The following BATF variants were observed in gnomAD, a reference collection of about 807,000 sequenced individuals.
The protein encoded by BATF is basic leucine zipper ATF-like transcription factor.
Under a neutral mutation model 13.7 loss-of-function variants are expected in BATF, and 5 were observed. The observed-to-expected ratio is 0.36, with a 90% CI of 0.19 to 0.77. The LOEUF is 0.77. Among genes scored for constraint, BATF ranks in the 30% least tolerant of loss-of-function variants. The pLI is 0.51. For missense variants in BATF, 124 were observed against 163.0 expected, an observed-to-expected ratio of 0.76 and a Z score of 1.30; for synonymous variants, 72 against 67.5, an observed-to-expected ratio of 1.07 and a Z score of -0.33.
At chr14:75,543,291 G>A (rs930340164) in intron 2 of BATF, among the ~76,000 whole-genome samples, 3 of 152,334 alleles carry the variant, frequency 2.0e-5, no homozygotes, top group South Asian at 4.1e-4. Flanking sequence ...CCTCTGCCCC[G>A]TTTTAGAGGG....
intron 1 of BATF, 140 bp downstream of exon 1, chr14:75,522,885 T>C: frequency 1.0e-6 from 1 of 961,726 alleles, no homozygotes; most frequent in Non-Finnish European, 1.6e-6. Flanking sequence ...ACTTAGGACA[T>C]GGAATTTGCT....
rs576533598 is a variant in BATF at position 75,543,925 on chromosome 14, C to T, written c.169-2537C>T. ...CTGGGATTATAGGTGTGAGCCACTGCACCCAGCCTATTTAGGGCAAATTTT... is the reference window on the plus strand; with the variant it reads ...CTGGGATTATAGGTGTGAGCCACTGTACCCAGCCTATTTAGGGCAAATTTT... On this transcript the variant is annotated intron_variant, in intron 2 of 2. Coordinates refer to ENST00000286639, the MANE Select transcript of BATF (RefSeq NM_006399.5). Among the ~76,000 whole-genome samples, 129 of 152,194 alleles carry T rather than the reference C, an allele frequency of 8.5e-4. 1 individual carries two copies. Among genetic ancestry groups the T allele is most frequent in the African/African-American group, 2.8e-3 (117 of 41,536 alleles).
chr14:75,527,142 G>A (rs1369096152), intron 2 of BATF, among the ~76,000 whole-genome samples: 1 of 152,054 alleles, frequency 6.6e-6, no homozygotes, highest in African/African-American at 2.4e-5. Flanking sequence ...TATACAGATC[G>A]TACATTTAAA....
At chr14:75,543,595 G>A (rs1566769785) in intron 2 of BATF, among the ~76,000 whole-genome samples, 2 of 152,004 alleles carry the variant, frequency 1.3e-5, no homozygotes, top group East Asian at 3.9e-4. Context: ...TTTGAGAGAG[G>A]ACCTCACTCC....
intron 2 of BATF, among the ~76,000 whole-genome samples, chr14:75,541,997 C>T (rs2140042185): frequency 6.6e-6 from 1 of 152,168 alleles, no homozygotes; most frequent in South Asian, 2.1e-4. Flanking sequence ...CCTTTGCCCA[C>T]TCAAGTCTCC....
intron 2 of BATF, among the ~76,000 whole-genome samples, chr14:75,534,179 CATCA>C (rs1341101076): frequency 6.6e-6 from 1 of 152,106 alleles, no homozygotes; most frequent in Non-Finnish European, 1.5e-5. Flanking sequence ...AAAATATTTG[CATCA>C]AATTAAAGAA....
At position 75,522,598 on chromosome 14, in the gene BATF, G is replaced by A. The variant is rs1456915442; in HGVS notation, c.-85G>A. ...AGGGGGTGGTGGGCTGGTGGCCCAG[G>A]AGAAGTCAGGAAGGGAGCCCAGCTG... is the stretch of plus-strand genomic sequence containing the variant. On this transcript the variant is annotated 5_prime_UTR_variant, in exon 1 of 3. Transcript: ENST00000286639. The A allele has an allele frequency of 7.9e-6, 12 of 1,528,390 alleles. No individual in the cohort carries two copies. The East Asian group carries it at 1.8e-4, about 23-fold the overall frequency. The allele number at this position is 1,528,390 out of a possible 1,614,324, so 94.7% of individuals were successfully genotyped here. A position where few individuals can be genotyped will look rare whatever the true frequency, so the allele number is the denominator to read the frequency against.
chr14:75,534,620 C>T (rs1017930496), intron 2 of BATF, among the ~76,000 whole-genome samples: 3 of 152,182 alleles, frequency 2.0e-5, no homozygotes, highest in Non-Finnish European at 4.4e-5. Flanking sequence ...CTCCTTAATA[C>T]TTGACAACCT....
rs533417451 is a variant in BATF at position 75,525,385 on chromosome 14, G to T, written c.168+197G>T. On this transcript the variant is annotated intron_variant, in intron 2 of 2. Coordinates refer to ENST00000286639, the MANE Select transcript of BATF (RefSeq NM_006399.5). The stretch of plus-strand genomic sequence containing the variant: ...GTGCTTTAAGAAGGCTCTGTAGTCC[G>T]GGCGTGGTGGCTCACACCTGTAATC... Among the ~76,000 whole-genome samples, 6 of 152,050 alleles carry T rather than the reference G, an allele frequency of 3.9e-5. No individual in the cohort carries two copies. In the East Asian group the frequency reaches 7.7e-4, roughly 20 times the overall value.
At chr14:75,539,142 G>C (rs957681552) in intron 2 of BATF, among the ~76,000 whole-genome samples, 2 of 152,190 alleles carry the variant, frequency 1.3e-5, no homozygotes, top group Non-Finnish European at 2.9e-5. Flanking sequence ...AAAGTGGAGA[G>C]ACCAGGCTAC....
intron 2 of BATF, among the ~76,000 whole-genome samples, chr14:75,530,704 TC>T (rs1329533178): frequency 1.3e-5 from 2 of 152,214 alleles, no homozygotes; most frequent in African/African-American, 4.8e-5. Flanking sequence ...AGACAGGGTC[TC>T]ACTATGTTGC....
chr14:75,536,722 T>TTAAAATAAAATAAAATAAAA (rs56280822), intron 2 of BATF, among the ~76,000 whole-genome samples: 19,852 of 125,568 alleles, frequency 0.16, 2,110 homozygotes, highest in Middle Eastern at 0.19. Flanking sequence ...GATCCTGTCT[T>TTAAAATAAAATAAAATAAAA]TAAAATAAAA....
intron 2 of BATF, among the ~76,000 whole-genome samples, chr14:75,527,642 G>C (rs954011950): frequency 1.3e-5 from 2 of 152,164 alleles, no homozygotes; most frequent in Admixed American, 1.3e-4. Flanking sequence ...AGCCCAAAGA[G>C]TCAGCTCATC....
At chr14:75,523,928 T>C (rs1366374248) in intron 1 of BATF, among the ~76,000 whole-genome samples, 3 of 152,044 alleles carry the variant, frequency 2.0e-5, no homozygotes, top group African/African-American at 4.8e-5. Flanking sequence ...AGGAAGGAAA[T>C]TACTCATGGC....
chr14:75,541,856 G>C (rs1254302438), intron 2 of BATF, among the ~76,000 whole-genome samples: 1 of 152,124 alleles, frequency 6.6e-6, no homozygotes, highest in Non-Finnish European at 1.5e-5. Flanking sequence ...TAGAGACAGG[G>C]CTTCACCATG....
At chr14:75,525,265 G>A in intron 2 of BATF, 77 bp downstream of exon 2, 2 of 1,436,728 alleles carry the variant, frequency 1.4e-6, no homozygotes, top group Non-Finnish European at 9.6e-7. Flanking sequence ...TTGGACCATA[G>A]CTTTGATTCT....
intron 2 of BATF, among the ~76,000 whole-genome samples, chr14:75,527,068 C>A (rs1325522744): frequency 6.6e-6 from 1 of 152,104 alleles, no homozygotes; most frequent in East Asian, 1.9e-4. Flanking sequence ...GTGACAGAGA[C>A]GTTCTTGGCC....
At chr14:75,539,185 C>T (rs1887860454) in intron 2 of BATF, among the ~76,000 whole-genome samples, 1 of 152,234 alleles carries the variant, frequency 6.6e-6, no homozygotes, top group Admixed American at 6.5e-5. Context: ...TCTCTCTAAG[C>T]AGCCATCCTC....
rs914865795 is a variant in BATF, at chr14:75,546,960, G to A, written c.*289G>A. The A allele has an allele frequency of 7.1e-6, 5 of 702,910 alleles. No homozygotes were observed. The highest frequency in any genetic ancestry group is 2.7e-5 in the East Asian group (1 of 37,292). 43.5% of individuals were successfully genotyped at this position (702,910 alleles called of 1,614,324 possible). ...GCACAGAGCAAGGCGGGCAGGGAAC[G>A]GTTATTTTTCTAAATAAATGCTTTA... On this transcript the variant is annotated 3_prime_UTR_variant, in exon 3 of 3. Transcript: ENST00000286639.
Sources: gnomAD v4.1 joint callset for allele counts (sites outside exome capture counted in the v4.1 genomes callset) on GRCh38, gnomAD v4.1.1 for gene constraint, MANE v1.5 for transcripts, NCBI Gene and HGNC (gene_info 2026-07-23, HGNC 2026-07-21) for gene names.